Variants in QDPR observed in about 807,000 individuals in gnomAD.
QDPR encodes the protein dihydropteridine reductase.
A neutral mutation model predicts 31.7 loss-of-function variants in QDPR; 23 were observed. The observed-to-expected ratio is 0.73, with a 90% CI of 0.52 to 1.03. QDPR has a LOEUF of 1.03. QDPR is among the 50% of genes least tolerant of loss of function. The pLI is 0.00. For synonymous variants in QDPR, 124 were observed against 124.7 expected (o/e 0.99, Z 0.03); for missense variants, 324 against 323.8 (o/e 1.00, Z 0.00).
chr4:17,501,746 C>T lies in QDPR; in HGVS notation c.409G>A (p.Ala137Thr), dbSNP rs778631854. 39 of 1,613,978 alleles carry T rather than the reference C, an allele frequency of 2.4e-5. No homozygotes were observed. In the East Asian group the frequency reaches 3.8e-4, roughly 16 times the overall value. ...KEGGLLTLAG[A>T]KAALDGTPGM... ...GGAGTCCCATCCAGGGCAGCCTTTGCGCCAGCCAAGGTCAGGAGGCCTCCT... is the reference window on the plus strand; with the variant it reads ...GGAGTCCCATCCAGGGCAGCCTTTGTGCCAGCCAAGGTCAGGAGGCCTCCT... Residue 137 changes from alanine (A) to threonine (T), a missense_variant, in exon 4 of 7, where the codon GCA (alanine) becomes ACA (threonine). Transcript: ENST00000281243.
chr4:17,500,444 G>C (rs1388961914), intron 4 of QDPR, among the ~76,000 whole-genome samples: 2 of 152,120 alleles, frequency 1.3e-5, no homozygotes, highest in African/African-American at 2.4e-5. Context: ...CCTCAGAATG[G>C]GACTGTATTC....
chr4:17,509,381 CT>C lies in QDPR; in HGVS notation c.106-19del, dbSNP rs1303595690. On this transcript the variant is annotated intron_variant, in intron 1 of 6. Transcript: ENST00000281243. ...GCAACCCACTGGAAGGAGAAAACAG[CT>C]TTGGTTAAGAGGCAGTGAGTTGTTA... 4.4e-6 allele frequency: 7 copies of C among 1,608,494 alleles called. No homozygotes were observed. Among genetic ancestry groups the C allele is most frequent in the African/African-American group, 4.0e-5 (3 of 74,770 alleles).
intron 3 of QDPR, among the ~76,000 whole-genome samples, chr4:17,502,441 G>A (rs1426107901): frequency 6.6e-6 from 1 of 152,180 alleles, no homozygotes; most frequent in African/African-American, 2.4e-5. Flanking sequence ...TGGGCAACTC[G>A]AAGGGCATGT....
At chr4:17,501,655 G>C (rs1718564918) in intron 4 of QDPR, 64 bp downstream of exon 4, 1 of 1,590,180 alleles carries the variant, frequency 6.3e-7, no homozygotes, top group Admixed American at 1.7e-5. Context: ...CCATGAAAGT[G>C]CCCAGCAGCC....
rs751389453 is a variant in QDPR, at chr4:17,487,230, G to T, written c.636C>A (p.Phe212Leu). Residue 212 changes from phenylalanine (F) to leucine (L), a missense_variant, in exon 7 of 7, where the codon TTC (phenylalanine) becomes TTA (leucine). Physicochemically the swap from Phe to Leu is conservative, Grantham distance 22 (BLOSUM62 0). Transcript: ENST00000281243. ...GGTTTTTCCCTGTGATCCAGTCATG[G>T]AAAGTTCTGGAACAGAAAATAAAAG... ...WTPLEFLVET[F>L]HDWITGKNRP... The T allele has an allele frequency of 1.1e-5, 17 of 1,593,994 alleles. No individual in the cohort carries two copies. The highest frequency in any genetic ancestry group is 1.4e-5 in the Non-Finnish European group (16 of 1,167,576).
At chr4:17,507,436 C>T (rs1336320992) in intron 2 of QDPR, among the ~76,000 whole-genome samples, 1 of 152,130 alleles carries the variant, frequency 6.6e-6, no homozygotes, top group Non-Finnish European at 1.5e-5. Flanking sequence ...CTCAGGAAGT[C>T]CCAGCTATTC....
At chr4:17,489,832 C>G (rs1718094029) in intron 6 of QDPR, among the ~76,000 whole-genome samples, 1 of 152,224 alleles carries the variant, frequency 6.6e-6, no homozygotes, top group African/African-American at 2.4e-5. Flanking sequence ...ACACTGCTAA[C>G]TTCACAAACA....
intron 4 of QDPR, among the ~76,000 whole-genome samples, chr4:17,495,750 T>G (rs1022948658): frequency 6.6e-6 from 1 of 152,142 alleles, no homozygotes; most frequent in Admixed American, 6.5e-5. Flanking sequence ...AGTTCAGGCT[T>G]GTAATCCTAG....
intron 4 of QDPR, among the ~76,000 whole-genome samples, chr4:17,496,236 A>T (rs537048521): frequency 4.6e-5 from 7 of 151,966 alleles, no homozygotes; most frequent in South Asian, 4.2e-4. Flanking sequence ...ACCTGAGGTC[A>T]GAAGTTCAAG....
chr4:17,495,260 A>G (rs1353798749), intron 4 of QDPR, among the ~76,000 whole-genome samples: 1 of 152,178 alleles, frequency 6.6e-6, no homozygotes, highest in Non-Finnish European at 1.5e-5. Context: ...CTGCCTGTAA[A>G]GCCAGAGCCT....
intron 5 of QDPR, among the ~76,000 whole-genome samples, chr4:17,490,966 A>T (rs140949660): frequency 2.7e-4 from 41 of 152,322 alleles, no homozygotes; most frequent in Non-Finnish European, 5.0e-4. Context: ...TAATTCAATA[A>T]GGTGCGCTGT....
In QDPR at chr4:17,501,875, A is replaced by G; in HGVS notation, c.296-16T>C. 6.2e-7 allele frequency: 1 copy of G among 1,613,968 alleles called. No homozygotes were observed. Among genetic ancestry groups the G allele is most frequent in the Non-Finnish European group, 8.5e-7 (1 of 1,179,938 alleles). On this transcript the variant is annotated splice_polypyrimidine_tract_variant and intron_variant, in intron 3 of 6. Coordinates refer to ENST00000281243, the MANE Select transcript of QDPR (RefSeq NM_000320.3). ...TTAAAGAGAGCTGAGTGAAAAAAAC[A>G]TGTGGGCTCAGCATTCCCAGGAAAG...
intron 5 of QDPR, among the ~76,000 whole-genome samples, chr4:17,492,016 T>C (rs1718844626): frequency 6.6e-6 from 1 of 152,236 alleles, no homozygotes; most frequent in South Asian, 2.1e-4. Flanking sequence ...CTGTGAGCAA[T>C]ACATTTCTGC....
At chr4:17,501,415 T>G (rs1215997116) in intron 4 of QDPR, among the ~76,000 whole-genome samples, 1 of 152,200 alleles carries the variant, frequency 6.6e-6, no homozygotes, top group Non-Finnish European at 1.5e-5. Flanking sequence ...ATAATCCATG[T>G]TTATTAATTA....
intron 2 of QDPR, among the ~76,000 whole-genome samples, chr4:17,507,202 G>A (rs193178860): frequency 9.2e-5 from 14 of 152,140 alleles, no homozygotes; most frequent in African/African-American, 2.9e-4. Flanking sequence ...ATTAAAGTTC[G>A]TATCTGGAGA....
chr4:17,510,745 T>C (rs1718976941), intron 1 of QDPR, among the ~76,000 whole-genome samples: 1 of 152,162 alleles, frequency 6.6e-6, no homozygotes, highest in Admixed American at 6.5e-5. Flanking sequence ...ATTGGGGGCA[T>C]TAAGAGTCTA....
rs762975177 is a variant in QDPR at position 17,501,888 on chromosome 4, A to T, written c.296-29T>A. ...AGTGAAAAAAACATGTGGGCTCAGC[A>T]TTCCCAGGAAAGAAACCAAAAGGTG... On this transcript the variant is annotated intron_variant, in intron 3 of 6. Transcript: ENST00000281243. The T allele has an allele frequency of 8.7e-6, 14 of 1,613,608 alleles. No homozygotes were observed. In the Admixed American group the frequency reaches 1.0e-4, roughly 12 times the overall value.
At chr4:17,494,192 C>T (rs1275369977) in intron 4 of QDPR, among the ~76,000 whole-genome samples, 1 of 152,078 alleles carries the variant, frequency 6.6e-6, no homozygotes, top group African/African-American at 2.4e-5. Flanking sequence ...AATAAAATAC[C>T]ATGTACAAGT....
Position 17,492,262 on chromosome 4 carries a change from G to A in QDPR, c.515C>T (p.Pro172Leu), listed in dbSNP as rs569310979. 8 of 1,614,012 alleles carry A rather than the reference G, an allele frequency of 5.0e-6. No homozygotes were observed. The highest frequency in any genetic ancestry group is 1.7e-4 in the Middle Eastern group (1 of 6,046). Residue 172 changes from proline (P) to leucine (L), a missense_variant, in exon 5 of 7, where the codon CCG becomes CTG. Pro to Leu is a moderately conservative substitution (Grantham distance 98). Coordinates refer to ENST00000281243, the MANE Select transcript of QDPR (RefSeq NM_000320.3). ...CACAGCGATGGCGGCTGCCCCGGGCGGCATGCCGCTGTTCTTCCCAGCCAG... is the reference window on the plus strand; with the variant it reads ...CACAGCGATGGCGGCTGCCCCGGGCAGCATGCCGCTGTTCTTCCCAGCCAG... Reference protein sequence around the residue: ...QSLAGKNSGMPPGAAAIAVLP... With the variant: ...QSLAGKNSGMLPGAAAIAVLP...
Sources: allele counts gnomAD v4.1 joint callset (sites outside exome capture counted in the v4.1 genomes callset), GRCh38; gene constraint gnomAD v4.1.1; transcripts MANE v1.5; gene names NCBI Gene and HGNC (gene_info 2026-07-23, HGNC 2026-07-21).